The following OTX2 variants were observed in gnomAD, a reference collection of about 807,000 sequenced individuals.
The protein encoded by OTX2 is homeobox protein OTX2.
A neutral mutation model predicts 29.0 loss-of-function variants in OTX2; 4 were observed. That is an observed-to-expected ratio of 0.14 (90% confidence interval 0.07 to 0.32). OTX2 has a LOEUF of 0.32. Among genes scored for constraint, OTX2 ranks in the 10% least tolerant of loss-of-function variants. The probability of loss-of-function intolerance (pLI) is 1.00; values close to 1 mark genes in which losing one functional copy is unlikely to be tolerated. For synonymous variants in OTX2, 134 were observed against 141.0 expected (o/e 0.95, Z 0.35); for missense variants, 298 against 365.9 (o/e 0.81, Z 1.51).
chr14:56,804,636 G>T lies in OTX2; in HGVS notation c.98-273C>A, dbSNP rs1892014595. Among the ~76,000 whole-genome samples the T allele has an allele frequency of 6.6e-6, 1 of 152,106 alleles. No homozygotes were observed. The highest frequency in any genetic ancestry group is 2.4e-5 in the African/African-American group (1 of 41,410). ...CATTTTTTAAAAGACACACAAAAAA[G>T]TTCTCCAAGATCAACCCCCAAACCA... On this transcript the variant is annotated intron_variant, in intron 3 of 4. Coordinates refer to ENST00000672264, the MANE Select transcript of OTX2 (RefSeq NM_021728.4). This position sits in a 1 kb window ranked among gnomAD's most constrained non-coding sequence, Gnocchi z 4.1.
At chr14:56,805,719 C>CCCCCAT in intron 2 of OTX2, 144 bp from the exon 3 acceptor site, 2 of 428,810 alleles carry the variant, frequency 4.7e-6, no homozygotes, top group South Asian at 4.8e-5. Context: ...ACTCCCCCCA[C>CCCCCAT]CCCCATCCCC....
chr14:56,808,547 T>C (rs1164190804), intron 2 of OTX2, among the ~76,000 whole-genome samples: 3 of 152,118 alleles, frequency 2.0e-5, no homozygotes, highest in Non-Finnish European at 4.4e-5. Flanking sequence ...CTATTAATTA[T>C]CGTTGGGAGA....
At position 56,805,420 on chromosome 14, in the gene OTX2, T is replaced by C; in HGVS notation, c.37A>G (p.Asn13Asp). ...SYLKQPPYAV[N>D]GLSLTTSGMD... is the part of the protein sequence containing the mutation. ...CCCGAAGTGGTCAGACTCAGCCCAT[T>C]GACTGCGTAAGGCGGTTGCTTAAGA... The change falls in exon 3 of 5, where the codon AAT (asparagine) becomes GAT (aspartate). Residue 13 changes from asparagine to aspartate, a missense_variant. By Grantham distance (23) the Asn-to-Asp change is conservative. This residue lies in a region of OTX2 where 50 missense variants were observed against 57.6 expected (regional missense o/e 0.87). Coordinates refer to ENST00000672264, the MANE Select transcript of OTX2 (RefSeq NM_021728.4). The C allele has an allele frequency of 6.2e-7, 1 of 1,613,966 alleles. No individual in the cohort carries two copies. Among genetic ancestry groups the C allele is most frequent in the Non-Finnish European group, 8.5e-7 (1 of 1,179,872 alleles).
At chr14:56,806,517 G>A (rs757066194) in intron 2 of OTX2, among the ~76,000 whole-genome samples, 8 of 152,248 alleles carry the variant, frequency 5.3e-5, no homozygotes, top group Non-Finnish European at 1.0e-4. Flanking sequence ...AGTGCAAGCT[G>A]CTTCCATGTT....
chr14:56,802,030 G>A lies in OTX2; in HGVS notation c.599C>T (p.Ser200Leu). Residue 200 changes from serine to leucine, a missense_variant, in exon 5 of 5, where the codon TCA (serine) becomes TTA (leucine). Physicochemically the swap from Ser to Leu is moderately radical, Grantham distance 145. Around this residue, in one of 3 missense-constraint regions of OTX2, gnomAD observed 219 missense variants for 223.5 expected, o/e 0.98. Transcript: ENST00000672264. The surrounding 1 kb of genome is among the most constrained non-coding windows in gnomAD (Gnocchi z 4.4). ...ASGYSQGYAGSTSYFGGMDCG... is the reference protein window; with the variant it reads ...ASGYSQGYAGLTSYFGGMDCG... ...GTCCATGCCCCCAAAGTAGGAAGTT[G>A]AGCCAGCATATCCTTGACTATAACC... 1.2e-6 allele frequency: 2 copies of A among 1,614,196 alleles called. No homozygotes were observed. Among genetic ancestry groups the A allele is most frequent in the Non-Finnish European group, 1.7e-6 (2 of 1,180,042 alleles).
In OTX2 at chr14:56,802,640, C is replaced by T. The variant is rs1451657161; in HGVS notation, c.274-285G>A. Reference sequence around the variant, plus strand: ...GCTAAAAACTCTCCACATCACTTTCCTATCTTATTTCGCCTCTAACACACA... The same window carrying T: ...GCTAAAAACTCTCCACATCACTTTCTTATCTTATTTCGCCTCTAACACACA... On this transcript the variant is annotated intron_variant, in intron 4 of 4. Transcript: ENST00000672264. The surrounding 1 kb of genome is among the most constrained non-coding windows in gnomAD (Gnocchi z 4.4). 2.0e-5 allele frequency among the ~76,000 whole-genome samples: 3 copies of T among 152,166 alleles called. No homozygotes were observed. The highest frequency in any genetic ancestry group is 7.2e-5 in the African/African-American group (3 of 41,442).
At chr14:56,807,929 G>T (rs1275256923) in intron 2 of OTX2, among the ~76,000 whole-genome samples, 3 of 151,986 alleles carry the variant, frequency 2.0e-5, no homozygotes, top group African/African-American at 7.2e-5. Context: ...GTCGGCGACC[G>T]CACCTCCGGG....
rs889740596 is a variant in OTX2, at chr14:56,801,393, A to G, written c.*342T>C. The G allele has an allele frequency of 5.5e-6, 2 of 364,452 alleles. No individual in the cohort carries two copies. Among genetic ancestry groups the G allele is most frequent in the East Asian group, 6.7e-5 (1 of 14,858 alleles). The allele number at this position is 364,452 out of a possible 1,614,324, so 22.6% of individuals were successfully genotyped here. On this transcript the variant is annotated 3_prime_UTR_variant, in exon 5 of 5. Transcript: ENST00000672264. The surrounding 1 kb of genome is among the most constrained non-coding windows in gnomAD (Gnocchi z 4.2). The stretch of plus-strand genomic sequence containing the variant: ...TGGAACACCTCTGCTTAAGAAGGCT[A>G]TGACCTTCCCTCCCTTCCTTCACAA...
At chr14:56,803,843 CA>C (rs1891978345) in intron 4 of OTX2, among the ~76,000 whole-genome samples, 1 of 152,092 alleles carries the variant, frequency 6.6e-6, no homozygotes, top group African/African-American at 2.4e-5. Flanking sequence ...TTGGACTGTC[CA>C]AGAGCTAAGC....
chr14:56,805,365 T>C lies in OTX2; in HGVS notation c.92A>G (p.Tyr31Cys). The change falls in exon 3 of 5, where the codon TAC (tyrosine) becomes TGC (cysteine). Residue 31 changes from tyrosine to cysteine, a missense_variant. This residue lies in a region of OTX2 where 50 missense variants were observed against 57.6 expected (regional missense o/e 0.87). Coordinates refer to ENST00000672264, the MANE Select transcript of OTX2 (RefSeq NM_021728.4). ...GMDLLHPSVG[Y>C]PGPWASCPAA... ...GTGCAGCAGGGCTCACTTACCCGGG[T>C]AGCCCACGGAGGGGTGCAGCAAGTC... The C allele has an allele frequency of 1.2e-6, 2 of 1,607,636 alleles. No individual in the cohort carries two copies. The highest frequency in any genetic ancestry group is 1.7e-6 in the Non-Finnish European group (2 of 1,174,256).
chr14:56,805,717 C>A (rs1235333846), intron 2 of OTX2, 142 bp from the exon 3 acceptor site: 11 of 443,690 alleles, frequency 2.5e-5, no homozygotes, highest in Non-Finnish European at 4.1e-5. Flanking sequence ...ACACTCCCCC[C>A]ACCCCCATCC....
At chr14:56,807,041 G>A (rs904184910) in intron 2 of OTX2, among the ~76,000 whole-genome samples, 2 of 152,088 alleles carry the variant, frequency 1.3e-5, no homozygotes, top group Non-Finnish European at 2.9e-5. Context: ...GTCCATAAAT[G>A]AAACTTAGTA....
At chr14:56,806,549 C>A (rs917954626) in intron 2 of OTX2, among the ~76,000 whole-genome samples, 1 of 152,220 alleles carries the variant, frequency 6.6e-6, no homozygotes, top group Non-Finnish European at 1.5e-5. Context: ...GTGGAGGCTG[C>A]AGATCCTGCG....
At chr14:56,809,193 C>CCG (rs1429703061) in intron 2 of OTX2, among the ~76,000 whole-genome samples, 1 of 152,176 alleles carries the variant, frequency 6.6e-6, no homozygotes, top group African/African-American at 2.4e-5. Context: ...CCTGGCCCGG[C>CCG]CGCGGCCTTG....
chr14:56,806,546 C>A (rs1263445556), intron 2 of OTX2, among the ~76,000 whole-genome samples: 3 of 152,216 alleles, frequency 2.0e-5, no homozygotes, highest in African/African-American at 7.2e-5. Flanking sequence ...TGTGTGGAGG[C>A]TGCAGATCCT....
In OTX2 at chr14:56,804,876, C is replaced by CA. The variant is rs34337614; in HGVS notation, c.97+483dup. ...GAAAGCACCCGCATTTGGAGGAAGT[C>CA]ACGCCTCTTGGGATTAAAGCAGGCT... On this transcript the variant is annotated intron_variant, in intron 3 of 4. Coordinates refer to ENST00000672264, the MANE Select transcript of OTX2 (RefSeq NM_021728.4). The surrounding 1 kb of genome is among the most constrained non-coding windows in gnomAD (Gnocchi z 4.1). Among the ~76,000 whole-genome samples, 47,955 of 151,928 alleles carry CA rather than the reference C, an allele frequency of 0.32. 8,175 individuals are homozygous for CA. Among genetic ancestry groups the CA allele is most frequent in the Admixed American group, 0.5 (7,631 of 15,264 alleles).
Position 56,802,454 on chromosome 14 carries a change from C to T in OTX2, c.274-99G>A, listed in dbSNP as rs1039241744. ...AATCTATCCTACATGGGCAGATCAGCTAAACACACAATTTCCCCTGCCACT... is the reference window on the plus strand; with the variant it reads ...AATCTATCCTACATGGGCAGATCAGTTAAACACACAATTTCCCCTGCCACT... On this transcript the variant is annotated intron_variant, in intron 4 of 4. Transcript: ENST00000672264. This position sits in a 1 kb window ranked among gnomAD's most constrained non-coding sequence, Gnocchi z 4.4. 14 of 1,320,782 alleles carry T rather than the reference C, an allele frequency of 1.1e-5. No homozygotes were observed. The highest frequency in any genetic ancestry group is 1.5e-5 in the Non-Finnish European group (14 of 923,454). 81.8% of individuals were successfully genotyped at this position (1,320,782 alleles called of 1,614,324 possible). A position where few individuals can be genotyped will look rare whatever the true frequency, so the allele number is the denominator to read the frequency against.
At chr14:56,806,379 T>G (rs1594956872) in intron 2 of OTX2, among the ~76,000 whole-genome samples, 1 of 152,348 alleles carries the variant, frequency 6.6e-6, no homozygotes, top group Non-Finnish European at 1.5e-5. Flanking sequence ...ATTTAACTTT[T>G]AATAGACACC....
In OTX2 at chr14:56,802,019, A is replaced by G; in HGVS notation, c.610T>C (p.Phe204Leu). 4 of 1,614,176 alleles carry G rather than the reference A, an allele frequency of 2.5e-6. No individual in the cohort carries two copies. Among genetic ancestry groups the G allele is most frequent in the Non-Finnish European group, 3.4e-6 (4 of 1,180,036 alleles). The stretch of plus-strand genomic sequence containing the variant: ...TATGATCCACAGTCCATGCCCCCAA[A>G]GTAGGAAGTTGAGCCAGCATATCCT... ...SQGYAGSTSY[F>L]GGMDCGSYLT... Residue 204 changes from phenylalanine to leucine, a missense_variant, in exon 5 of 5, where the codon TTT (phenylalanine) becomes CTT (leucine). Physicochemically the swap from Phe to Leu is conservative, Grantham distance 22 (BLOSUM62 0). This residue lies in a region of OTX2 where 219 missense variants were observed against 223.5 expected (regional missense o/e 0.98). Coordinates refer to ENST00000672264, the MANE Select transcript of OTX2 (RefSeq NM_021728.4). This position sits in a 1 kb window ranked among gnomAD's most constrained non-coding sequence, Gnocchi z 4.4.
Sources: allele counts gnomAD v4.1 joint callset (sites outside exome capture counted in the v4.1 genomes callset), GRCh38; gene constraint gnomAD v4.1.1; regional missense constraint gnomAD v4.1.1; non-coding constraint Gnocchi (gnomAD v3.1); transcripts MANE v1.5; gene names NCBI Gene and HGNC (gene_info 2026-07-23, HGNC 2026-07-21).